The following DDX10 variants were observed in gnomAD, a reference collection of about 807,000 sequenced individuals.
The protein encoded by DDX10 is probable ATP-dependent RNA helicase DDX10.
A neutral mutation model predicts 104.3 loss-of-function variants in DDX10; 74 were observed. The observed-to-expected ratio is 0.71, with a 90% CI of 0.59 to 0.86. DDX10 has a LOEUF of 0.86. Ranked by LOEUF, DDX10 falls within the 40% of genes least tolerant of loss-of-function variation. DDX10 has a pLI of 0.00. For missense variants in DDX10, 952 were observed against 1,040.0 expected (o/e 0.92, Z 1.16); for synonymous variants, 351 against 353.4 (o/e 0.99, Z 0.08).
chr11:108,909,543 A>G (rs901088094), intron 16 of DDX10, among the ~76,000 whole-genome samples: 2 of 151,116 alleles, frequency 1.3e-5, no homozygotes, highest in Admixed American at 6.6e-5. Context: ...TTAGGCCTCC[A>G]TAATAAATGG....
chr11:108,875,489 G>T (rs1360636505), intron 16 of DDX10, among the ~76,000 whole-genome samples: 2 of 152,098 alleles, frequency 1.3e-5, no homozygotes, highest in Non-Finnish European at 2.9e-5. Context: ...ACTTAGAAGG[G>T]TCTCTCAGCA....
At chr11:108,726,059 C>A (rs1232423443) in intron 13 of DDX10, among the ~76,000 whole-genome samples, 1 of 151,934 alleles carries the variant, frequency 6.6e-6, no homozygotes, top group Non-Finnish European at 1.5e-5. Flanking sequence ...CATTGAATTA[C>A]CTTGACTCTT....
At chr11:108,787,252 T>C (rs1861806920) in intron 13 of DDX10, among the ~76,000 whole-genome samples, 1 of 152,154 alleles carries the variant, frequency 6.6e-6, no homozygotes, top group Non-Finnish European at 1.5e-5. Flanking sequence ...TGACCTGACC[T>C]TTCTCTCTAG....
intron 13 of DDX10, among the ~76,000 whole-genome samples, chr11:108,806,445 G>A (rs1332576272): frequency 7.2e-5 from 11 of 152,184 alleles, no homozygotes; most frequent in Non-Finnish European, 1.6e-4. Context: ...CGTTCAGGTA[G>A]TGAACGACAT....
At chr11:108,666,761 G>A (rs1289420411) in intron 1 of DDX10, among the ~76,000 whole-genome samples, 1 of 152,182 alleles carries the variant, frequency 6.6e-6, no homozygotes, top group African/African-American at 2.4e-5. Context: ...TGCGTTTAGG[G>A]CCTACACAGA....
At chr11:108,675,810 G>A (rs1354811067) in intron 3 of DDX10, 84 bp downstream of exon 3, 1 of 1,494,996 alleles carries the variant, frequency 6.7e-7, no homozygotes, top group Non-Finnish European at 9.1e-7. Flanking sequence ...ATAAAGAGAT[G>A]TTTTCATGTT....
intron 13 of DDX10, among the ~76,000 whole-genome samples, chr11:108,811,704 A>G (rs1862183677): frequency 6.6e-6 from 1 of 152,184 alleles, no homozygotes; most frequent in Admixed American, 6.5e-5. Flanking sequence ...GGAGTAGGAA[A>G]GAATCTTCCA....
At chr11:108,848,708 T>A (rs1301959503) in intron 15 of DDX10, among the ~76,000 whole-genome samples, 3 of 152,180 alleles carry the variant, frequency 2.0e-5, no homozygotes, top group Non-Finnish European at 4.4e-5. Flanking sequence ...TACATAAATC[T>A]GATCTATTTT....
intron 16 of DDX10, 27 bp from the exon 17 acceptor site, chr11:108,917,846 G>T: frequency 6.2e-7 from 1 of 1,605,242 alleles, no homozygotes; most frequent in Non-Finnish European, 8.5e-7. Flanking sequence ...TTCTTCAACT[G>T]CAGTTTCCCT....
chr11:108,689,069 G>C lies in DDX10; in HGVS notation c.975+7G>C. ...TTTTTCCAGTTGCAAAGAGGTATTG[G>C]CTGTTTATTTTGCTTTCTGAACGTA... On this transcript the variant is annotated splice_region_variant and intron_variant, in intron 7 of 17. Coordinates refer to ENST00000322536, the MANE Select transcript of DDX10 (RefSeq NM_004398.4). 8.7e-6 allele frequency: 14 copies of C among 1,613,292 alleles called. No homozygotes were observed. Among genetic ancestry groups the C allele is most frequent in the Non-Finnish European group, 1.2e-5 (14 of 1,179,660 alleles).
At chr11:108,869,209 G>T (rs201681252) in intron 16 of DDX10, among the ~76,000 whole-genome samples, 2,680 of 122,316 alleles carry the variant, frequency 0.022, 78 homozygotes, top group African/African-American at 0.071. Flanking sequence ...TTTTTTTTTT[G>T]TTTGTTTGTT....
chr11:108,873,415 G>A (rs58119616), intron 16 of DDX10, among the ~76,000 whole-genome samples: 2,619 of 152,188 alleles, frequency 0.017, 89 homozygotes, highest in African/African-American at 0.06. Context: ...GACGTGTTAT[G>A]CCTGATAGTT....
At chr11:108,910,894 G>C (rs934267981) in intron 16 of DDX10, among the ~76,000 whole-genome samples, 22 of 152,010 alleles carry the variant, frequency 1.4e-4, no homozygotes, top group Non-Finnish European at 2.9e-5. Context: ...AGTCAGTGAG[G>C]GGGTAGTGGT....
chr11:108,678,374 T>C lies in DDX10; in HGVS notation c.597T>C (p.Gly199=). Residue 199 remains glycine (G), a synonymous_variant, in exon 5 of 18, where the codon GGT becomes GGC. Transcript: ENST00000322536. Reference sequence around the variant, plus strand: ...TAAATATACTCGTGTGCACACCAGGTCGGCTTCTTCAACACATGGATGAAA... The same window carrying C: ...TAAATATACTCGTGTGCACACCAGGCCGGCTTCTTCAACACATGGATGAAA... ...NNINILVCTP[G]RLLQHMDETV... is the part of the protein sequence containing the mutation. 1 of 1,613,406 alleles carries C rather than the reference T, an allele frequency of 6.2e-7. No homozygotes were observed. The highest frequency in any genetic ancestry group is 8.5e-7 in the Non-Finnish European group (1 of 1,179,726).
chr11:108,845,125 A>C (rs561676444), intron 15 of DDX10, among the ~76,000 whole-genome samples: 3 of 151,956 alleles, frequency 2.0e-5, no homozygotes, highest in Non-Finnish European at 4.4e-5. Context: ...GGAGAATGGC[A>C]TGAACCCGGG....
intron 16 of DDX10, among the ~76,000 whole-genome samples, chr11:108,868,984 C>A (rs1863044560): frequency 8.0e-6 from 1 of 125,520 alleles, no homozygotes; most frequent in Admixed American, 8.1e-5. Context: ...TTTTTTTTTC[C>A]TGACTGCTTG....
At chr11:108,923,040 G>A (rs1195782563) in intron 17 of DDX10, among the ~76,000 whole-genome samples, 4 of 152,258 alleles carry the variant, frequency 2.6e-5, no homozygotes, top group Admixed American at 1.3e-4. Flanking sequence ...TTATATATTG[G>A]TATAGGCTGT....
intron 13 of DDX10, among the ~76,000 whole-genome samples, chr11:108,751,117 T>G (rs1295607800): frequency 1.3e-5 from 2 of 151,762 alleles, no homozygotes; most frequent in Admixed American, 6.6e-5. Context: ...AATAGAGTAC[T>G]TTTTATTTTG....
Position 108,841,298 on chromosome 11 carries a change from C to A in DDX10, c.2086-17C>A, listed in dbSNP as rs761097254. On this transcript the variant is annotated splice_polypyrimidine_tract_variant and intron_variant, in intron 14 of 17. Transcript: ENST00000322536. ...TTCCCTACTTCCTGTTGACACTGACCTTTTTTTTACCTGTAGTTGGTTCAG... is the reference window on the plus strand; with the variant it reads ...TTCCCTACTTCCTGTTGACACTGACATTTTTTTTACCTGTAGTTGGTTCAG... 102 of 1,603,404 alleles carry A rather than the reference C, an allele frequency of 6.4e-5. No individual in the cohort carries two copies. The highest frequency in any genetic ancestry group is 8.0e-5 in the Non-Finnish European group (94 of 1,175,004).
Sources: allele counts gnomAD v4.1 joint callset (sites outside exome capture counted in the v4.1 genomes callset), GRCh38; gene constraint gnomAD v4.1.1; transcripts MANE v1.5; gene names NCBI Gene and HGNC (gene_info 2026-07-23, HGNC 2026-07-21).